The following PACRG variants were observed in gnomAD, a reference collection of about 807,000 sequenced individuals.
The protein encoded by PACRG is parkin coregulated, also known as parkin coregulated gene protein.
Under a neutral mutation model 29.7 loss-of-function variants are expected in PACRG, and 29 were observed. That is an observed-to-expected ratio of 0.98 (90% CI 0.73 to 1.33). PACRG has a LOEUF of 1.33. Ranked by LOEUF, PACRG falls within the 40% of genes most tolerant of loss-of-function variation. PACRG has a pLI of 0.00. For missense variants in PACRG, 279 were observed against 316.2 expected (o/e 0.88, Z 0.89); for synonymous variants, 116 against 118.7 (o/e 0.98, Z 0.15).
chr6:163,100,513 C>G (rs909392064), intron 4 of PACRG, among the ~76,000 whole-genome samples: 1 of 152,166 alleles, frequency 6.6e-6, no homozygotes, highest in Non-Finnish European at 1.5e-5. Context: ...GACACCAAGG[C>G]ACGTCCCGCT....
At chr6:162,886,214 C>T (rs1286350088) in intron 2 of PACRG, among the ~76,000 whole-genome samples, 1 of 152,092 alleles carries the variant, frequency 6.6e-6, no homozygotes, top group Non-Finnish European at 1.5e-5. Context: ...TGAGCCATTG[C>T]CCCCGGGCTT....
At chr6:163,245,509 G>A (rs1782660533) in intron 4 of PACRG, among the ~76,000 whole-genome samples, 1 of 152,180 alleles carries the variant, frequency 6.6e-6, no homozygotes, top group Non-Finnish European at 1.5e-5. Flanking sequence ...AATATGGTTA[G>A]TTCTAAGTCA....
chr6:163,040,307 G>C (rs1161777828), intron 2 of PACRG, among the ~76,000 whole-genome samples: 1 of 152,230 alleles, frequency 6.6e-6, no homozygotes. Context: ...AGGCTGTATG[G>C]AAACATCTGG....
intron 1 of PACRG, among the ~76,000 whole-genome samples, chr6:162,789,531 C>T (rs576858965): frequency 6.6e-5 from 10 of 152,170 alleles, no homozygotes; most frequent in African/African-American, 2.4e-4. Flanking sequence ...CTTAGTTTCA[C>T]TAAGGATCAT....
intron 2 of PACRG, among the ~76,000 whole-genome samples, chr6:162,817,620 T>C (rs531747275): frequency 6.6e-6 from 1 of 152,346 alleles, no homozygotes; most frequent in African/African-American, 2.4e-5. Flanking sequence ...GCACTTGAAA[T>C]GTGCCTACGG....
At chr6:162,926,944 T>G (rs577373079) in intron 2 of PACRG, among the ~76,000 whole-genome samples, 11 of 151,470 alleles carry the variant, frequency 7.3e-5, no homozygotes, top group Non-Finnish European at 1.5e-4. Flanking sequence ...ACAAGGAACT[T>G]AAACAAATTT....
At chr6:163,085,605 C>T (rs1813487736) in intron 3 of PACRG, among the ~76,000 whole-genome samples, 1 of 152,192 alleles carries the variant, frequency 6.6e-6, no homozygotes, top group East Asian at 1.9e-4. Context: ...TGCATCCAAG[C>T]TGGAGCAGCC....
At chr6:162,946,540 T>C (rs1351420923) in intron 2 of PACRG, among the ~76,000 whole-genome samples, 1 of 152,106 alleles carries the variant, frequency 6.6e-6, no homozygotes, top group Non-Finnish European at 1.5e-5. Context: ...GAGGCTTTAC[T>C]GCCAAATTCT....
chr6:163,005,976 A>G lies in PACRG; in HGVS notation c.292-56174A>G, dbSNP rs1805050426. Among the ~76,000 whole-genome samples the G allele has an allele frequency of 2.0e-5, 3 of 146,406 alleles. No individual in the cohort carries two copies. The Admixed American group carries it at 2.1e-4, about 10-fold the overall frequency. ...ATGTTATGTGTATAACATTGTTCAT[A>G]ACAGTTATACATGTTCTGTGTATAA... On this transcript the variant is annotated intron_variant, in intron 2 of 4. Transcript: ENST00000366888.
intron 2 of PACRG, among the ~76,000 whole-genome samples, chr6:163,026,001 A>G (rs1450317458): frequency 2.6e-5 from 4 of 152,258 alleles, no homozygotes; most frequent in Non-Finnish European, 5.9e-5. Context: ...TAAAATTTAT[A>G]GGGAACCAAA....
At chr6:162,833,461 A>G (rs1466563362) in intron 2 of PACRG, among the ~76,000 whole-genome samples, 1 of 152,206 alleles carries the variant, frequency 6.6e-6, no homozygotes, top group Non-Finnish European at 1.5e-5. Context: ...CTTTTCTGGA[A>G]TTGGAGCATT....
At chr6:163,110,003 C>G (rs1281863025) in intron 4 of PACRG, among the ~76,000 whole-genome samples, 1 of 152,108 alleles carries the variant, frequency 6.6e-6, no homozygotes. Flanking sequence ...ACTGAGATTT[C>G]TAGAGCTTGG....
intron 2 of PACRG, among the ~76,000 whole-genome samples, chr6:162,843,415 C>T (rs1789995531): frequency 6.7e-6 from 1 of 149,222 alleles, no homozygotes; most frequent in Non-Finnish European, 1.5e-5. Context: ...CTGCATTCTT[C>T]ACGTAGTTCT....
In PACRG at chr6:163,073,059, A is replaced by G. The variant is rs183458185; in HGVS notation, c.463+10738A>G. Reference sequence around the variant, plus strand: ...AATCTACAGATTCAATGCAATCTCTATAAAAATACCTATGACATTCTTCAC... The same window carrying G: ...AATCTACAGATTCAATGCAATCTCTGTAAAAATACCTATGACATTCTTCAC... On this transcript the variant is annotated intron_variant, in intron 3 of 4. Coordinates refer to ENST00000366888, the MANE Select transcript of PACRG (RefSeq NM_001080379.2). 5.9e-5 allele frequency among the ~76,000 whole-genome samples: 9 copies of G among 152,344 alleles called. No individual in the cohort carries two copies. In the East Asian group the frequency reaches 1.5e-3, roughly 26 times the overall value.
chr6:162,888,020 C>T (rs950065194), intron 2 of PACRG, among the ~76,000 whole-genome samples: 21 of 152,182 alleles, frequency 1.4e-4, no homozygotes, highest in Admixed American at 1.3e-3. Context: ...CTACTCTCCG[C>T]TTCCAAAGAT....
At chr6:162,727,240 T>G, upstream of PACRG, 1 of 176,924 alleles carries the variant, frequency 5.7e-6, no homozygotes, top group South Asian at 1.6e-4. Context: ...AGAGAGTGGG[T>G]CTCGATGGGT....
chr6:162,977,886 G>C (rs1241949886), intron 2 of PACRG, among the ~76,000 whole-genome samples: 1 of 152,174 alleles, frequency 6.6e-6, no homozygotes, highest in African/African-American at 2.4e-5. Context: ...GCTCACGTCT[G>C]TAATCCCAGC....
intron 2 of PACRG, among the ~76,000 whole-genome samples, chr6:163,023,792 A>C (rs1806861286): frequency 6.6e-6 from 1 of 152,024 alleles, no homozygotes; most frequent in Non-Finnish European, 1.5e-5. Flanking sequence ...ATTGTGTCTC[A>C]TTGTGGTTTT....
intron 2 of PACRG, among the ~76,000 whole-genome samples, chr6:162,910,468 C>G (rs542640982): frequency 6.6e-6 from 1 of 152,198 alleles, no homozygotes; most frequent in African/African-American, 2.4e-5. Flanking sequence ...TATAATTGTG[C>G]TCACTACTGC....
Sources: gnomAD v4.1 joint callset for allele counts (sites outside exome capture counted in the v4.1 genomes callset) on GRCh38, gnomAD v4.1.1 for gene constraint, MANE v1.5 for transcripts, NCBI Gene and HGNC (gene_info 2026-07-23, HGNC 2026-07-21) for gene names.